Variants in MICU1 observed in about 807,000 individuals in gnomAD.
MICU1 encodes calcium uptake protein 1, mitochondrial.
Under a neutral mutation model 56.8 loss-of-function variants are expected in MICU1, and 45 were observed. That is an observed-to-expected ratio of 0.79 (90% CI 0.62 to 1.02). The LOEUF (loss-of-function observed/expected upper bound fraction) is 1.02. MICU1 is among the 50% of genes least tolerant of loss of function. MICU1 has a pLI of 0.00. For synonymous variants in MICU1, 186 were observed against 195.1 expected (o/e 0.95, Z 0.39); for missense variants, 504 against 587.1 (o/e 0.86, Z 1.46).
chr10:72,588,921 C>T (rs562672218), intron 1 of MICU1, among the ~76,000 whole-genome samples: 1 of 152,312 alleles, frequency 6.6e-6, no homozygotes, highest in African/African-American at 2.4e-5. Flanking sequence ...CAAAAAATCC[C>T]ACTAAGGTGG....
intron 5 of MICU1, among the ~76,000 whole-genome samples, chr10:72,530,047 G>A (rs1839431675): frequency 6.7e-6 from 1 of 149,728 alleles, no homozygotes; most frequent in Admixed American, 6.7e-5. Context: ...ACAAAAGCTG[G>A]CAGGACATGG....
intron 6 of MICU1, among the ~76,000 whole-genome samples, chr10:72,486,965 C>T (rs1223765023): frequency 6.6e-6 from 1 of 152,022 alleles, no homozygotes; most frequent in African/African-American, 2.4e-5. Context: ...AGAAAAAAGC[C>T]CCTATCAGAG....
At chr10:72,598,485 A>G (rs1437683201) in intron 1 of MICU1, among the ~76,000 whole-genome samples, 3 of 151,980 alleles carry the variant, frequency 2.0e-5, no homozygotes, top group Non-Finnish European at 4.4e-5. Flanking sequence ...TGAACTCCTG[A>G]CCTCAAGTGA....
chr10:72,576,225 C>CAAAAAAAAAAAAAAAAAAAAA (rs34829939), intron 1 of MICU1, among the ~76,000 whole-genome samples: 1 of 68,212 alleles, frequency 1.5e-5, no homozygotes, highest in Admixed American at 2.0e-4. Context: ...AAAAAAACAC[C>CAAAAAAAAAAAAAAAAAAAAA]AAAAAAAAAA....
chr10:72,600,164 C>T (rs1389515377), intron 1 of MICU1, among the ~76,000 whole-genome samples: 1 of 151,574 alleles, frequency 6.6e-6, no homozygotes, highest in Non-Finnish European at 1.5e-5. Flanking sequence ...TGATGGTGGG[C>T]GTCTGTAGTC....
rs371643170 is a variant in MICU1 at position 72,463,112 on chromosome 10, G to A, written c.933+11988C>T. ...ACGGAGTTTCGCTCTTGCCCAGGCT[G>A]GAGTGCAATGGCACGATCTCGGCTC... On this transcript the variant is annotated intron_variant, in intron 8 of 11. Transcript: ENST00000361114. 2.1e-3 allele frequency among the ~76,000 whole-genome samples: 312 copies of A among 151,296 alleles called. 1 individual carries two copies. Among genetic ancestry groups the A allele is most frequent in the African/African-American group, 7.1e-3 (294 of 41,172 alleles).
At chr10:72,388,700 A>T (rs1343573394) in intron 10 of MICU1, among the ~76,000 whole-genome samples, 1 of 152,080 alleles carries the variant, frequency 6.6e-6, no homozygotes, top group Non-Finnish European at 1.5e-5. Flanking sequence ...AGCAACTGGG[A>T]AAAAAAAGTC....
intron 1 of MICU1, among the ~76,000 whole-genome samples, chr10:72,587,781 C>CATAAATAAATAAATAAATAAAACAA (rs1564949371): frequency 6.6e-6 from 1 of 151,538 alleles, no homozygotes; most frequent in African/African-American, 2.4e-5. Context: ...GAGACTCTAT[C>CATAAATAAATAAATAAATAAAACAA]ATAAATAAAT....
At chr10:72,517,609 T>G (rs1867686491) in intron 5 of MICU1, among the ~76,000 whole-genome samples, 1 of 152,120 alleles carries the variant, frequency 6.6e-6, no homozygotes, top group Admixed American at 6.5e-5. Flanking sequence ...CAATGGACTT[T>G]GGCGACTCGG....
At chr10:72,526,165 ATAATT>A (rs1255438985) in intron 5 of MICU1, among the ~76,000 whole-genome samples, 3 of 152,248 alleles carry the variant, frequency 2.0e-5, no homozygotes, top group Non-Finnish European at 4.4e-5. Context: ...TGTTTTAAAA[ATAATT>A]TAAAGAACTT....
chr10:72,499,035 G>C (rs933823865), intron 6 of MICU1, among the ~76,000 whole-genome samples: 1 of 152,036 alleles, frequency 6.6e-6, no homozygotes, highest in African/African-American at 2.4e-5. Context: ...AAAACAATGA[G>C]GCTGGACTGA....
chr10:72,575,456 GT>G (rs1174073191), intron 1 of MICU1, among the ~76,000 whole-genome samples: 1 of 152,090 alleles, frequency 6.6e-6, no homozygotes, highest in Non-Finnish European at 1.5e-5. Context: ...TCATTCTATT[GT>G]GCCTCACTTT....
At chr10:72,578,460 T>G (rs1840809868) in intron 1 of MICU1, among the ~76,000 whole-genome samples, 1 of 150,788 alleles carries the variant, frequency 6.6e-6, no homozygotes, top group Non-Finnish European at 1.5e-5. Context: ...AGGTGGGGTT[T>G]CACCATGTTG....
intron 10 of MICU1, among the ~76,000 whole-genome samples, chr10:72,400,205 C>T (rs1006731038): frequency 6.6e-6 from 1 of 152,080 alleles, no homozygotes; most frequent in African/African-American, 2.4e-5. Context: ...GACTACAAAT[C>T]CCAGCAAAAG....
rs1862208242 is a variant in MICU1, at chr10:72,368,179, C to G, written c.*16G>C. ...AGGGTACTGGGGGTGGAGGGGTCCCCTCTTGCAGTGTGGGGTTACTGTTTG... is the reference window on the plus strand; with the variant it reads ...AGGGTACTGGGGGTGGAGGGGTCCCGTCTTGCAGTGTGGGGTTACTGTTTG... On this transcript the variant is annotated 3_prime_UTR_variant, in exon 12 of 12. Transcript: ENST00000361114. The G allele has an allele frequency of 1.1e-5, 18 of 1,606,356 alleles. No individual in the cohort carries two copies. The highest frequency in any genetic ancestry group is 1.5e-5 in the Non-Finnish European group (18 of 1,175,300).
chr10:72,514,678 T>C (rs1188732972), intron 5 of MICU1, among the ~76,000 whole-genome samples: 3 of 152,182 alleles, frequency 2.0e-5, no homozygotes, highest in Non-Finnish European at 4.4e-5. Flanking sequence ...ACTGGCTCTG[T>C]ATTGGGCATT....
chr10:72,524,697 C>G (rs1867916654), intron 5 of MICU1: 4 of 1,227,496 alleles, frequency 3.3e-6, no homozygotes, highest in Non-Finnish European at 4.1e-6. Context: ...GATTTTGGAG[C>G]ATTAAGTAAT....
chr10:72,568,792 A>ACC (rs1840513174), intron 1 of MICU1, among the ~76,000 whole-genome samples: 1 of 117,792 alleles, frequency 8.5e-6, no homozygotes, highest in African/African-American at 3.4e-5. Flanking sequence ...TTGCCCTATC[A>ACC]CCCAGGCTGG....
chr10:72,379,525 C>T (rs1309655287), intron 10 of MICU1: 4 of 417,108 alleles, frequency 9.6e-6, no homozygotes, highest in Non-Finnish European at 1.5e-5. Flanking sequence ...GCACAGCCTT[C>T]TGCAATTGTC....
Sources: gnomAD v4.1 joint callset for allele counts (sites outside exome capture counted in the v4.1 genomes callset) on GRCh38, gnomAD v4.1.1 for gene constraint, MANE v1.5 for transcripts, NCBI Gene and HGNC (gene_info 2026-07-23, HGNC 2026-07-21) for gene names.